Variants in UTRN observed in about 807,000 individuals in gnomAD.
UTRN encodes utrophin, also known as dystrophin-related protein 1.
UTRN carries 283 observed loss-of-function variants against 463.9 expected under a neutral mutation model. The observed-to-expected ratio is 0.61, with a 90% CI of 0.55 to 0.67. The LOEUF is 0.67. Ranked by LOEUF, UTRN falls within the 30% of genes least tolerant of loss-of-function variation. The probability of loss-of-function intolerance (pLI) is 0.00; values close to 1 mark genes in which losing one functional copy is unlikely to be tolerated. For missense variants in UTRN, 3,922 were observed against 4,084.3 expected, an observed-to-expected ratio of 0.96 and a Z score of 1.08; for synonymous variants, 1,442 against 1,431.5, an observed-to-expected ratio of 1.01 and a Z score of -0.17.
rs562465747 is a variant in UTRN at position 144,467,768 on chromosome 6, A to G, written c.3066+4902A>G. ...AACATATAATTGATATAATTATCTC[A>G]TAAGGGTTTGAGTTTTTTTTCTCAT... On this transcript the variant is annotated intron_variant, in intron 23 of 74. Coordinates refer to ENST00000367545, the MANE Select transcript of UTRN (RefSeq NM_007124.3). 3.9e-5 allele frequency among the ~76,000 whole-genome samples: 6 copies of G among 152,262 alleles called. No homozygotes were observed. The South Asian group carries it at 1.2e-3, about 32-fold the overall frequency.
intron 2 of UTRN, among the ~76,000 whole-genome samples, chr6:144,329,807 T>C (rs1390452946): frequency 1.3e-5 from 2 of 152,178 alleles, no homozygotes; most frequent in Non-Finnish European, 2.9e-5. Flanking sequence ...TCCTTAAACC[T>C]CAGCAGTGGC....
chr6:144,617,781 G>A (rs923058809), intron 51 of UTRN, among the ~76,000 whole-genome samples: 3 of 152,062 alleles, frequency 2.0e-5, no homozygotes, highest in Non-Finnish European at 4.4e-5. Context: ...TGATCACCTT[G>A]CATTGAATAA....
intron 68 of UTRN, 131 bp downstream of exon 68, chr6:144,827,807 T>A: frequency 9.0e-7 from 1 of 1,106,230 alleles, no homozygotes; most frequent in Non-Finnish European, 1.3e-6. Context: ...TCCATTATAT[T>A]TGGAATTTGG....
At position 144,774,409 on chromosome 6, in the gene UTRN, G is replaced by GTTT. The variant is rs10650309; in HGVS notation, c.8632+55_8632+57dup. On this transcript the variant is annotated intron_variant, in intron 60 of 74. Transcript: ENST00000367545. Reference sequence around the variant, plus strand: ...TTAATCAATCTGTTACTTGAATTGCGTTTTTTTTTTTTCCAAGAGGAAGAT... The same window carrying GTTT: ...TTAATCAATCTGTTACTTGAATTGCGTTTTTTTTTTTTTTTCCAAGAGGAAGAT... 936 of 1,276,440 alleles carry GTTT rather than the reference G, an allele frequency of 7.3e-4. 7 individuals carry two copies. In the African/African-American group the frequency reaches 9.9e-3, roughly 13 times the overall value. The allele number at this position is 1,276,440 out of a possible 1,614,324, so 79.1% of individuals were successfully genotyped here. A position where few individuals can be genotyped will look rare whatever the true frequency, so the allele number is the denominator to read the frequency against.
intron 53 of UTRN, among the ~76,000 whole-genome samples, chr6:144,720,366 T>G (rs1360787048): frequency 6.6e-6 from 1 of 152,206 alleles, no homozygotes; most frequent in Non-Finnish European, 1.5e-5. Flanking sequence ...TATAGACATT[T>G]AAAGTTGAAT....
intron 2 of UTRN, among the ~76,000 whole-genome samples, chr6:144,396,679 A>G (rs966356346): frequency 6.6e-5 from 10 of 152,228 alleles, no homozygotes; most frequent in African/African-American, 2.4e-4. Context: ...GATGAATTGT[A>G]TGGTAGGTGA....
intron 23 of UTRN, among the ~76,000 whole-genome samples, chr6:144,468,368 T>A (rs1251802495): frequency 6.6e-6 from 1 of 152,186 alleles, no homozygotes; most frequent in Admixed American, 6.5e-5. Context: ...CTTTGACCCT[T>A]CCATACTAGA....
intron 27 of UTRN, among the ~76,000 whole-genome samples, chr6:144,484,615 G>A (rs1322463065): frequency 6.6e-6 from 1 of 151,158 alleles, no homozygotes; most frequent in Non-Finnish European, 1.5e-5. Context: ...GCTAGTTTTT[G>A]TATTTTTAGT....
At chr6:144,494,058 T>C (rs1488669892) in intron 33 of UTRN, among the ~76,000 whole-genome samples, 3 of 152,212 alleles carry the variant, frequency 2.0e-5, no homozygotes, top group African/African-American at 4.8e-5. Context: ...TTTCAATGGC[T>C]ACTGATATTC....
rs146244015 is a variant in UTRN at position 144,381,467 on chromosome 6, A to C, written c.80-21656A>C. Among the ~76,000 whole-genome samples, 1,136 of 152,244 alleles carry C rather than the reference A, an allele frequency of 7.5e-3. 10 individuals are homozygous for C. The highest frequency in any genetic ancestry group is 0.024 in the African/African-American group (1,005 of 41,544). On this transcript the variant is annotated intron_variant, in intron 2 of 74. Transcript: ENST00000367545. ...TTCAAAGTCTTTGTTACTGTGCTGCAATGTCTTTGTAACAGAGCAATTTAT... is the reference window on the plus strand; with the variant it reads ...TTCAAAGTCTTTGTTACTGTGCTGCCATGTCTTTGTAACAGAGCAATTTAT...
At position 144,461,198 on chromosome 6, in the gene UTRN, A is replaced by G. The variant is rs1789369657; in HGVS notation, c.2709A>G (p.Glu903=). The change falls in exon 22 of 75, where the codon GAA becomes GAG. Residue 903 remains glutamate, a splice_region_variant and synonymous_variant. Transcript: ENST00000367545. ...AACTAAATATTTTTAAATAAACAGA[A>G]CTGAAGGGCCAACCTGGACATGCAT... ...VEDRQQHLEN[E]LKGQPGHAYL... is the part of the protein sequence containing the mutation. 1 of 1,578,094 alleles carries G rather than the reference A, an allele frequency of 6.3e-7. No homozygotes were observed. The highest frequency in any genetic ancestry group is 8.6e-7 in the Non-Finnish European group (1 of 1,163,232).
intron 2 of UTRN, among the ~76,000 whole-genome samples, chr6:144,369,544 A>G (rs1779800463): frequency 6.6e-6 from 1 of 152,228 alleles, no homozygotes; most frequent in Non-Finnish European, 1.5e-5. Context: ...TGAACCTAGG[A>G]GGTTGAGGTT....
Position 144,490,062 on chromosome 6 carries a change from T to G in UTRN, c.4135-9T>G, listed in dbSNP as rs1292467633. The G allele has an allele frequency of 3.7e-6, 6 of 1,603,130 alleles. No individual in the cohort carries two copies. Among genetic ancestry groups the G allele is most frequent in the Non-Finnish European group, 5.1e-6 (6 of 1,176,692 alleles). ...AGGACATCCTCTCCCCTTTCCAATC[T>G]CTTTTTAGAAAATCCAAGCAGAGAT... is the stretch of plus-strand genomic sequence containing the variant. On this transcript the variant is annotated splice_polypyrimidine_tract_variant and intron_variant, in intron 30 of 74. Coordinates refer to ENST00000367545, the MANE Select transcript of UTRN (RefSeq NM_007124.3).
chr6:144,770,131 C>T (rs1793839143), intron 58 of UTRN, among the ~76,000 whole-genome samples: 1 of 152,128 alleles, frequency 6.6e-6, no homozygotes, highest in Admixed American at 6.5e-5. Context: ...GGTAGAGGAG[C>T]CCGACAACTT....
At chr6:144,723,697 A>C (rs1787472792) in intron 53 of UTRN, among the ~76,000 whole-genome samples, 1 of 152,156 alleles carries the variant, frequency 6.6e-6, no homozygotes, top group African/African-American at 2.4e-5. Flanking sequence ...ATTGGGGATA[A>C]AGACTAGAAA....
At chr6:144,733,155 G>C (rs1398351852) in intron 54 of UTRN, among the ~76,000 whole-genome samples, 3 of 152,172 alleles carry the variant, frequency 2.0e-5, no homozygotes, top group Non-Finnish European at 4.4e-5. Flanking sequence ...GCTGAGCTTA[G>C]GGCTATTTTG....
At chr6:144,398,337 C>G in intron 2 of UTRN, 1 of 333,160 alleles carries the variant, frequency 3.0e-6, no homozygotes, top group South Asian at 3.1e-5. Flanking sequence ...GCTTGTTGGG[C>G]CACACTTGTG....
At chr6:144,373,573 G>C (rs1045238985) in intron 2 of UTRN, among the ~76,000 whole-genome samples, 11 of 152,314 alleles carry the variant, frequency 7.2e-5, no homozygotes, top group African/African-American at 2.2e-4. Context: ...TGATGAAAGT[G>C]TCTGGAATTA....
chr6:144,710,140 T>C (rs1332811762), intron 53 of UTRN, among the ~76,000 whole-genome samples: 1 of 152,218 alleles, frequency 6.6e-6, no homozygotes, highest in Non-Finnish European at 1.5e-5. Context: ...CATTTAAATG[T>C]TTAGGTGATG....
Sources: gnomAD v4.1 joint callset for allele counts (sites outside exome capture counted in the v4.1 genomes callset) on GRCh38, gnomAD v4.1.1 for gene constraint, MANE v1.5 for transcripts, NCBI Gene and HGNC (gene_info 2026-07-23, HGNC 2026-07-21) for gene names.